Variants in TFEC observed in about 807,000 individuals in gnomAD.
The protein encoded by TFEC is class E basic helix-loop-helix protein 34.
In TFEC, 31 loss-of-function variants were observed where a neutral mutation model predicts 41.6. That is an observed-to-expected ratio of 0.74 (90% CI 0.56 to 1.01). The LOEUF (loss-of-function observed/expected upper bound fraction) is 1.01. Ranked by LOEUF, TFEC falls within the 50% of genes least tolerant of loss-of-function variation. TFEC has a pLI of 0.00. For synonymous variants in TFEC, 143 were observed against 140.6 expected (o/e 1.02, Z -0.12); for missense variants, 402 against 404.1 (o/e 0.99, Z 0.04).
chr7:115,936,807 G>A lies in TFEC; in HGVS notation c.*3744C>T, dbSNP rs188408150. The A allele has an allele frequency of 1.3e-5, 2 of 151,290 alleles. No homozygotes were observed. The highest frequency in any genetic ancestry group is 2.1e-4 in the South Asian group (1 of 4,802). The allele number at this position is 151,290 out of a possible 1,614,324, so 9.4% of individuals were successfully genotyped here. ...TATTTGATTTACAGTCATGTAGGTG[G>A]GAAAAAAATGAGTTGAAAAAGGAAG... On this transcript the variant is annotated 3_prime_UTR_variant, in exon 8 of 8. Coordinates refer to ENST00000265440, the MANE Select transcript of TFEC (RefSeq NM_012252.4).
At chr7:115,981,842 A>T (rs2130657999) in intron 2 of TFEC, among the ~76,000 whole-genome samples, 1 of 152,236 alleles carries the variant, frequency 6.6e-6, no homozygotes, top group South Asian at 2.1e-4. Context: ...GGTAAAGAAA[A>T]GGTGTAAGAA....
intron 1 of TFEC, among the ~76,000 whole-genome samples, chr7:116,144,235 A>T (rs1023538544): frequency 5.3e-5 from 8 of 152,066 alleles, no homozygotes; most frequent in African/African-American, 1.9e-4. Context: ...AATGAAACAA[A>T]GAAAAGGTAG....
chr7:116,081,376 A>G (rs1205702529), intron 3 of TFEC, among the ~76,000 whole-genome samples: 1 of 152,076 alleles, frequency 6.6e-6, no homozygotes, highest in Non-Finnish European at 1.5e-5. Flanking sequence ...ACCAAACACC[A>G]AAAACATAAA....
chr7:115,987,378 C>T (rs1362310181), intron 1 of TFEC, among the ~76,000 whole-genome samples: 1 of 152,098 alleles, frequency 6.6e-6, no homozygotes, highest in African/African-American at 2.4e-5. Flanking sequence ...TTTTAAAATA[C>T]CTTAAAAATT....
At chr7:116,153,255 CGTTTT>C (rs140400586) in intron 1 of TFEC, among the ~76,000 whole-genome samples, 27,098 of 151,674 alleles carry the variant, frequency 0.18, 2,413 homozygotes, top group East Asian at 0.25. Flanking sequence ...TGTTTTGTTT[CGTTTT>C]GTTTTGTTTT....
At chr7:116,049,096 C>T (rs753605845) in intron 3 of TFEC, among the ~76,000 whole-genome samples, 40 of 152,160 alleles carry the variant, frequency 2.6e-4, no homozygotes, top group Non-Finnish European at 4.4e-4. Flanking sequence ...AACCAGCTAA[C>T]ATCATAATGA....
At chr7:116,033,133 CAA>C (rs58740686), upstream of TFEC, among the ~76,000 whole-genome samples, 764 of 147,720 alleles carry the variant, frequency 5.2e-3, 6 homozygotes, top group African/African-American at 0.015. Context: ...CATGATTCAT[CAA>C]AAAAAAAAAA....
At chr7:116,054,928 CTAAAT>C (rs1796393450) in intron 3 of TFEC, among the ~76,000 whole-genome samples, 1 of 152,034 alleles carries the variant, frequency 6.6e-6, no homozygotes, top group Non-Finnish European at 1.5e-5. Flanking sequence ...TCCTAGTTGG[CTAAAT>C]TAGAGTAACT....
intron 3 of TFEC, among the ~76,000 whole-genome samples, chr7:116,038,486 G>A (rs1163541018): frequency 6.6e-6 from 1 of 152,012 alleles, no homozygotes; most frequent in East Asian, 1.9e-4. Flanking sequence ...GGAAGATAAT[G>A]TATCCTGAAG....
In TFEC at chr7:115,951,892, T is replaced by C. The variant is rs187983170; in HGVS notation, c.440-943A>G. Among the ~76,000 whole-genome samples the C allele has an allele frequency of 1.4e-4, 21 of 152,224 alleles. No individual in the cohort carries two copies. The Middle Eastern group carries it at 0.017, about 123-fold the overall frequency. On this transcript the variant is annotated intron_variant, in intron 5 of 7. Coordinates refer to ENST00000265440, the MANE Select transcript of TFEC (RefSeq NM_012252.4). ...TATTACTCTTCTCTAAGAGCAGTCTTCTACTCTATATTCCTAATATCAAGA... is the reference window on the plus strand; with the variant it reads ...TATTACTCTTCTCTAAGAGCAGTCTCCTACTCTATATTCCTAATATCAAGA...
chr7:116,085,767 T>C (rs1006550994), intron 3 of TFEC, among the ~76,000 whole-genome samples: 22 of 151,964 alleles, frequency 1.4e-4, no homozygotes, highest in African/African-American at 5.1e-4. Context: ...GATTTCACCT[T>C]TAGCTGGAAC....
intron 6 of TFEC, among the ~76,000 whole-genome samples, chr7:115,943,780 C>T (rs1047121482): frequency 1.3e-5 from 2 of 151,254 alleles, no homozygotes; most frequent in African/African-American, 4.8e-5. Flanking sequence ...TCATTTTCTG[C>T]ACAACAATTT....
chr7:116,077,997 A>T (rs1001037840), intron 3 of TFEC, among the ~76,000 whole-genome samples: 3 of 152,148 alleles, frequency 2.0e-5, no homozygotes, highest in African/African-American at 7.2e-5. Flanking sequence ...AGCACATGGA[A>T]CATTCTCCAA....
chr7:116,153,078 A>C (rs1361284934), intron 1 of TFEC, among the ~76,000 whole-genome samples: 3 of 152,158 alleles, frequency 2.0e-5, no homozygotes, highest in Non-Finnish European at 4.4e-5. Flanking sequence ...TAGAGGAAGA[A>C]AGTACAATGC....
intron 1 of TFEC, among the ~76,000 whole-genome samples, chr7:116,005,715 T>G (rs1209018211): frequency 6.6e-6 from 1 of 152,184 alleles, no homozygotes; most frequent in Non-Finnish European, 1.5e-5. Flanking sequence ...GCATAACTAA[T>G]GAGGAGCTGA....
intron 3 of TFEC, among the ~76,000 whole-genome samples, chr7:116,107,052 A>G (rs1287351745): frequency 6.6e-6 from 1 of 152,168 alleles, no homozygotes; most frequent in Non-Finnish European, 1.5e-5. Context: ...TTTTACCTTA[A>G]TGGACAATAT....
chr7:116,056,382 A>T (rs1280578468), intron 3 of TFEC, among the ~76,000 whole-genome samples: 1 of 152,146 alleles, frequency 6.6e-6, no homozygotes, highest in Non-Finnish European at 1.5e-5. Context: ...AGCTACAGGG[A>T]AAGAGATTTA....
chr7:115,946,637 T>G (rs143115112), intron 6 of TFEC, among the ~76,000 whole-genome samples: 1 of 146,842 alleles, frequency 6.8e-6, no homozygotes, highest in East Asian at 2.0e-4. Context: ...TCTCTCTCTC[T>G]TTATTTTCTT....
chr7:115,965,554 C>T (rs912917257), intron 3 of TFEC, among the ~76,000 whole-genome samples: 1 of 151,538 alleles, frequency 6.6e-6, no homozygotes, highest in East Asian at 2.0e-4. Context: ...ACTAATGTCT[C>T]CAAATTGCAA....
Sources: allele counts gnomAD v4.1 joint callset (sites outside exome capture counted in the v4.1 genomes callset), GRCh38; gene constraint gnomAD v4.1.1; transcripts MANE v1.5; gene names NCBI Gene and HGNC (gene_info 2026-07-23, HGNC 2026-07-21).